PCDHGA3: variants seen among roughly 807,000 people sequenced by gnomAD.
PCDHGA3 encodes the protein protocadherin gamma subfamily A, 3, also known as protocadherin gamma-A3.
In PCDHGA3, 40 loss-of-function variants were observed where a neutral mutation model predicts 58.5. The ratio of observed to expected loss-of-function variants is 0.68; its 90% CI spans 0.53 to 0.89. PCDHGA3 has a LOEUF of 0.89. PCDHGA3 is among the 40% of genes least tolerant of loss of function. PCDHGA3 has a pLI of 0.00. For missense variants in PCDHGA3, 1,223 were observed against 1,195.9 expected, an observed-to-expected ratio of 1.02 and a Z score of -0.33; for synonymous variants, 530 against 525.7, an observed-to-expected ratio of 1.01 and a Z score of -0.11.
At chr5:141,417,866 G>C (rs1299960512) in intron 1 of PCDHGA3, 1 of 1,552,408 alleles carries the variant, frequency 6.4e-7, no homozygotes, top group African/African-American at 1.4e-5. Context: ...AACGATGGGA[G>C]GGAGCTGCGC....
At position 141,372,056 on chromosome 5, in the gene PCDHGA3, C is replaced by T. The variant is rs1228124665; in HGVS notation, c.2424+25599C>T. ...TGAGCCTGCGCGTGTTGGTGGACGACCGCAACGACAATGCACCGCTGGTGC... is the reference window on the plus strand; with the variant it reads ...TGAGCCTGCGCGTGTTGGTGGACGATCGCAACGACAATGCACCGCTGGTGC... On this transcript the variant is annotated intron_variant, in intron 1 of 3. Transcript: ENST00000253812. The T allele has an allele frequency of 4.3e-6, 7 of 1,613,578 alleles. No individual in the cohort carries two copies. In the East Asian group the frequency reaches 1.6e-4, roughly 36 times the overall value.
intron 1 of PCDHGA3, among the ~76,000 whole-genome samples, chr5:141,492,394 G>C (rs2099740158): frequency 6.6e-6 from 1 of 152,220 alleles, no homozygotes; most frequent in African/African-American, 2.4e-5. Context: ...CGGTCCACTC[G>C]CAGCTCCCCT....
chr5:141,482,995 G>A (rs1395482427), intron 1 of PCDHGA3, among the ~76,000 whole-genome samples: 1 of 152,048 alleles, frequency 6.6e-6, no homozygotes, highest in Non-Finnish European at 1.5e-5. Flanking sequence ...CGAGGCAGGA[G>A]AATTGCTTGA....
intron 1 of PCDHGA3, among the ~76,000 whole-genome samples, chr5:141,494,547 C>T (rs2099755185): frequency 6.6e-6 from 1 of 152,106 alleles, no homozygotes; most frequent in East Asian, 1.9e-4. Context: ...GAGGAAGGGG[C>T]CATTTCTTTA....
chr5:141,360,868 G>A (rs1389190862), intron 1 of PCDHGA3: 1 of 1,614,012 alleles, frequency 6.2e-7, no homozygotes, highest in Non-Finnish European at 8.5e-7. Flanking sequence ...GTTCAGCCAG[G>A]ACGTGTACAG....
chr5:141,480,102 T>C (rs568342271), intron 1 of PCDHGA3, among the ~76,000 whole-genome samples: 1 of 152,320 alleles, frequency 6.6e-6, no homozygotes, highest in South Asian at 2.1e-4. Flanking sequence ...GCAAAGTGTT[T>C]AGCATGGTGC....
chr5:141,432,873 T>G lies in PCDHGA3; in HGVS notation c.2425-61934T>G, dbSNP rs753576338. The stretch of plus-strand genomic sequence containing the variant: ...GTGGCCGCGGTCTCCTGCGTCTTCC[T>G]GGCCTTCGTCATCTTGCTGCTGGCG... On this transcript the variant is annotated intron_variant, in intron 1 of 3. Transcript: ENST00000253812. This position sits in a 1 kb window ranked among gnomAD's most constrained non-coding sequence, Gnocchi z 6.0. 4 of 1,614,204 alleles carry G rather than the reference T, an allele frequency of 2.5e-6. No homozygotes were observed. The highest frequency in any genetic ancestry group is 3.4e-6 in the Non-Finnish European group (4 of 1,180,014).
chr5:141,441,280 G>A (rs2098237221), intron 1 of PCDHGA3: 1 of 152,090 alleles, frequency 6.6e-6, no homozygotes, highest in East Asian at 1.9e-4. Flanking sequence ...GGGAGAAAAC[G>A]AGGTCACATG....
In PCDHGA3 at chr5:141,422,312, C is replaced by T; in HGVS notation, c.2425-72495C>T. On this transcript the variant is annotated intron_variant, in intron 1 of 3. Coordinates refer to ENST00000253812, the MANE Select transcript of PCDHGA3 (RefSeq NM_018916.4). ...ATTAATTCAATTCTGGAAAACTCTC[C>T]TCCAGGTACAGTGATTGCTCTTCTA... The T allele has an allele frequency of 1.9e-6, 3 of 1,547,444 alleles. No individual in the cohort carries two copies. Among genetic ancestry groups the T allele is most frequent in the Non-Finnish European group, 1.7e-6 (2 of 1,153,976 alleles).
chr5:141,511,144 A>C lies in PCDHGA3; in HGVS notation c.2770A>C (p.Lys924Gln). 2 of 1,614,202 alleles carry C rather than the reference A, an allele frequency of 1.2e-6. No homozygotes were observed. The highest frequency in any genetic ancestry group is 1.7e-6 in the Non-Finnish European group (2 of 1,180,016). The change falls in exon 4 of 4, where the codon AAG becomes CAG. Residue 924 changes from lysine to glutamine, a missense_variant. By Grantham distance (53) the Lys-to-Gln change is moderately conservative. Transcript: ENST00000253812. Reference sequence around the variant, plus strand: ...CCCAGCAGGTGGCAATGGCAACAAGAAGAAGTCGGGCAAGAAGGAGAAGAA... The same window carrying C: ...CCCAGCAGGTGGCAATGGCAACAAGCAGAAGTCGGGCAAGAAGGAGAAGAA... ...KAPAGGNGNK[K>Q]KSGKKEKK
chr5:141,456,140 G>A (rs1032104368), intron 1 of PCDHGA3, among the ~76,000 whole-genome samples: 38 of 152,022 alleles, frequency 2.5e-4, no homozygotes, highest in African/African-American at 8.7e-4. Flanking sequence ...CTCCTGATCC[G>A]CCCGCCTCGG....
intron 1 of PCDHGA3, among the ~76,000 whole-genome samples, chr5:141,439,279 CT>C (rs2098102664): frequency 6.6e-6 from 1 of 151,930 alleles, no homozygotes; most frequent in African/African-American, 2.4e-5. Flanking sequence ...CATTCTGAGA[CT>C]GTGTTCCATG....
rs1462148828 is a variant in PCDHGA3 at position 141,392,863 on chromosome 5, G to A, written c.2424+46406G>A. On this transcript the variant is annotated intron_variant, in intron 1 of 3. Transcript: ENST00000253812. ...AGACGCGGCGAGCTGATCCTGCTGT[G>A]CGCGCTGCTGGGAACGCTGTGGGAA... 3 of 1,612,774 alleles carry A rather than the reference G, an allele frequency of 1.9e-6. No individual in the cohort carries two copies. Among genetic ancestry groups the A allele is most frequent in the African/African-American group, 2.7e-5 (2 of 74,930 alleles).
chr5:141,398,938 G>T (rs201463346), intron 1 of PCDHGA3: 467 of 1,613,840 alleles, frequency 2.9e-4, no homozygotes, highest in Non-Finnish European at 3.7e-4. Context: ...TGACCAAGAC[G>T]AGGGCATCAA....
At chr5:141,500,546 G>A (rs1428503967) in intron 2 of PCDHGA3, among the ~76,000 whole-genome samples, 1 of 152,126 alleles carries the variant, frequency 6.6e-6, no homozygotes, top group African/African-American at 2.4e-5. Context: ...ACCTAAATAA[G>A]TTGTTCACAA....
intron 1 of PCDHGA3, chr5:141,360,729 CT>C: frequency 6.2e-7 from 1 of 1,614,004 alleles, no homozygotes; most frequent in Non-Finnish European, 8.5e-7. Context: ...TTCTAAAACA[CT>C]CTCTGGACAG....
intron 1 of PCDHGA3, among the ~76,000 whole-genome samples, chr5:141,469,852 C>T (rs529924249): frequency 1.3e-4 from 20 of 152,054 alleles, no homozygotes; most frequent in African/African-American, 4.8e-4. Flanking sequence ...AGATTCAGAC[C>T]GGGTGCAATG....
chr5:141,402,944 G>A (rs1487270083), intron 1 of PCDHGA3: 2 of 1,592,136 alleles, frequency 1.3e-6, no homozygotes, highest in Non-Finnish European at 1.7e-6. Context: ...ATTCCAAAGC[G>A]AGGCAGCAAT....
chr5:141,390,099 C>T (rs1252752587), intron 1 of PCDHGA3: 2 of 1,614,052 alleles, frequency 1.2e-6, no homozygotes, highest in Admixed American at 3.3e-5. Context: ...CGTGGTTCCC[C>T]CCAACTACAG....
Sources: gnomAD v4.1 joint callset for allele counts (sites outside exome capture counted in the v4.1 genomes callset) on GRCh38, gnomAD v4.1.1 for gene constraint, Gnocchi (gnomAD v3.1) non-coding constraint, MANE v1.5 for transcripts, NCBI Gene and HGNC (gene_info 2026-07-23, HGNC 2026-07-21) for gene names.